The following CCDC93 variants were observed in gnomAD, a reference collection of about 807,000 sequenced individuals.
The protein encoded by CCDC93 is coiled-coil domain-containing protein 93.
CCDC93 carries 61 observed loss-of-function variants against 108.2 expected under a neutral mutation model. That is an observed-to-expected ratio of 0.56 (90% CI 0.46 to 0.70). The LOEUF (loss-of-function observed/expected upper bound fraction) is 0.70, where lower values mean the gene tolerates loss of function less well. Ranked by LOEUF, CCDC93 falls within the 30% of genes least tolerant of loss-of-function variation. The pLI is 0.00. For synonymous variants in CCDC93, 276 were observed against 260.4 expected (o/e 1.06, Z -0.58); for missense variants, 685 against 764.2 (o/e 0.90, Z 1.22).
intron 11 of CCDC93, among the ~76,000 whole-genome samples, chr2:117,964,080 T>C (rs141673143): frequency 6.6e-6 from 1 of 152,312 alleles, no homozygotes; most frequent in African/African-American, 2.4e-5. Context: ...ATATTTAGCA[T>C]TGTTCTCTCC....
rs1275160590 is a variant in CCDC93, at chr2:117,915,821, T to C, written c.*4522A>G. Reference sequence around the variant, plus strand: ...CTACACACTTTCTCCATTCCAAACATTAGGATACCATGGGCTTTTTTCCTC... The same window carrying C: ...CTACACACTTTCTCCATTCCAAACACTAGGATACCATGGGCTTTTTTCCTC... On this transcript the variant is annotated 3_prime_UTR_variant, in exon 24 of 24. Coordinates refer to ENST00000376300, the MANE Select transcript of CCDC93 (RefSeq NM_019044.5). 1 of 151,996 alleles carries C rather than the reference T, an allele frequency of 6.6e-6. No homozygotes were observed. Among genetic ancestry groups the C allele is most frequent in the African/African-American group, 2.4e-5 (1 of 41,426 alleles). 9.4% of individuals were successfully genotyped at this position (151,996 alleles called of 1,614,324 possible). A position where few individuals can be genotyped will look rare whatever the true frequency, so the allele number is the denominator to read the frequency against.
At chr2:117,922,832 C>T (rs987575999) in intron 23 of CCDC93, among the ~76,000 whole-genome samples, 2 of 152,090 alleles carry the variant, frequency 1.3e-5, no homozygotes, top group African/African-American at 4.8e-5. Context: ...AGCAGCAGAA[C>T]TAGTCTGGCT....
intron 7 of CCDC93, among the ~76,000 whole-genome samples, chr2:117,981,108 G>T (rs1680103567): frequency 6.6e-6 from 1 of 152,082 alleles, no homozygotes; most frequent in African/African-American, 2.4e-5. Context: ...AGACATCTGG[G>T]TTGTTTCTAC....
At chr2:118,011,451 T>G (rs1677018910) in intron 1 of CCDC93, among the ~76,000 whole-genome samples, 3 of 152,178 alleles carry the variant, frequency 2.0e-5, no homozygotes, top group Admixed American at 2.0e-4. Flanking sequence ...TATAAATAAT[T>G]CACACCTTCT....
chr2:118,008,473 CCTTT>C, intron 2 of CCDC93, 68 bp downstream of exon 2: 1 of 851,466 alleles, frequency 1.2e-6, no homozygotes, highest in South Asian at 1.5e-5. Context: ...ATCTTTTCCT[CCTTT>C]CTTTGCCATG....
At position 117,920,382 on chromosome 2, in the gene CCDC93, G is replaced by A. The variant is rs534918636; in HGVS notation, c.1857C>T (p.Asn619=). ...CTTTCACCTTGGACAGCAGCATCTCGTTCTTGCGGCCCTCCTGGAGGGAAA... is the reference window on the plus strand; with the variant it reads ...CTTTCACCTTGGACAGCAGCATCTCATTCTTGCGGCCCTCCTGGAGGGAAA... ...VKEFKEEGRK[N]EMLLSKVKAK... Residue 619 remains asparagine, a synonymous_variant, in exon 24 of 24, where the codon AAC becomes AAT. Transcript: ENST00000376300. The A allele has an allele frequency of 6.7e-5, 108 of 1,612,844 alleles. 2 individuals are homozygous for A. The South Asian group carries it at 1.1e-3, about 16-fold the overall frequency.
chr2:117,993,581 C>A (rs1355307128), intron 6 of CCDC93, among the ~76,000 whole-genome samples: 1 of 152,170 alleles, frequency 6.6e-6, no homozygotes, highest in Non-Finnish European at 1.5e-5. Flanking sequence ...CTAGCAATTT[C>A]CTGCCTCAGA....
intron 11 of CCDC93, among the ~76,000 whole-genome samples, chr2:117,962,734 C>T (rs1005121966): frequency 6.6e-6 from 1 of 152,136 alleles, no homozygotes; most frequent in Non-Finnish European, 1.5e-5. Flanking sequence ...TGTTAAATTT[C>T]GGAAGGCCAA....
chr2:117,926,953 G>A (rs1678129882), intron 23 of CCDC93, among the ~76,000 whole-genome samples: 1 of 152,154 alleles, frequency 6.6e-6, no homozygotes, highest in African/African-American at 2.4e-5. Context: ...TGGGATGCAA[G>A]GCTGGTACAA....
chr2:117,957,487 A>AGGAG (rs1679257543), intron 12 of CCDC93, among the ~76,000 whole-genome samples: 1 of 151,976 alleles, frequency 6.6e-6, no homozygotes, highest in Non-Finnish European at 1.5e-5. Flanking sequence ...TCAGCCTCCT[A>AGGAG]CCTGTTGTCC....
chr2:117,987,346 CTTG>C lies in CCDC93; in HGVS notation c.520-1280_520-1278del, dbSNP rs368796510. The stretch of plus-strand genomic sequence containing the variant: ...GGTAACCTGGTTTCTCATTTCAAGG[CTTG>C]TCCCTGACACTACCTTGCCCCAGGC... On this transcript the variant is annotated intron_variant, in intron 6 of 23. Coordinates refer to ENST00000376300, the MANE Select transcript of CCDC93 (RefSeq NM_019044.5). 3.1e-3 allele frequency among the ~76,000 whole-genome samples: 476 copies of C among 152,282 alleles called. 4 individuals are homozygous for C. The highest frequency in any genetic ancestry group is 0.011 in the African/African-American group (455 of 41,564).
At chr2:117,928,249 A>G (rs992258387) in intron 23 of CCDC93, among the ~76,000 whole-genome samples, 3 of 152,234 alleles carry the variant, frequency 2.0e-5, no homozygotes, top group Non-Finnish European at 4.4e-5. Flanking sequence ...ACAAAAGCCA[A>G]AATTGACAAG....
intron 23 of CCDC93, among the ~76,000 whole-genome samples, chr2:117,921,974 A>T (rs1395174229): frequency 6.6e-6 from 1 of 152,054 alleles, no homozygotes; most frequent in Non-Finnish European, 1.5e-5. Context: ...CCTTTTAAAA[A>T]TGGCTTGAGA....
chr2:117,961,033 A>G (rs1190848395), intron 11 of CCDC93, among the ~76,000 whole-genome samples: 1 of 152,194 alleles, frequency 6.6e-6, no homozygotes, highest in African/African-American at 2.4e-5. Context: ...TGAAAGTATT[A>G]TAAAATGTTG....
chr2:117,922,771 G>T, intron 23 of CCDC93, among the ~76,000 whole-genome samples: 1 of 152,124 alleles, frequency 6.6e-6, no homozygotes, highest in East Asian at 1.9e-4. Flanking sequence ...GCTGGAGAAG[G>T]CTCCACCCTG....
At position 118,008,555 on chromosome 2, in the gene CCDC93, G is replaced by T. The variant is rs1281141557; in HGVS notation, c.146C>A (p.Pro49His). The T allele has an allele frequency of 6.3e-7, 1 of 1,588,548 alleles. No individual in the cohort carries two copies. Among genetic ancestry groups the T allele is most frequent in the South Asian group, 1.1e-5 (1 of 90,346 alleles). ...AAGATTTCCCCTTACCTTGTCAAAG[G>T]GTGATAAGCCTTTAATTCTTGCCCT... ...YFRARIKGLS[P>H]FDKVVGGMTW... The change falls in exon 2 of 24, where the codon CCC becomes CAC. Residue 49 changes from proline to histidine, a missense_variant. Transcript: ENST00000376300.
chr2:117,948,317 C>G (rs1007716326), intron 14 of CCDC93, 131 bp from the exon 15 acceptor site: 9 of 630,666 alleles, frequency 1.4e-5, no homozygotes, highest in African/African-American at 3.7e-5. Flanking sequence ...GAGTGTCTCA[C>G]AGATTCTGCA....
At chr2:117,978,367 T>C (rs1277650942) in intron 7 of CCDC93, among the ~76,000 whole-genome samples, 3 of 152,242 alleles carry the variant, frequency 2.0e-5, no homozygotes, top group Non-Finnish European at 4.4e-5. Context: ...AAAATATCTA[T>C]ATAAACAAAT....
intron 6 of CCDC93, among the ~76,000 whole-genome samples, chr2:117,991,698 C>T (rs1347718909): frequency 6.6e-6 from 1 of 152,224 alleles, no homozygotes; most frequent in Non-Finnish European, 1.5e-5. Context: ...TACACAGCAG[C>T]TCCACACCTA....
Sources: allele counts gnomAD v4.1 joint callset (sites outside exome capture counted in the v4.1 genomes callset), GRCh38; gene constraint gnomAD v4.1.1; transcripts MANE v1.5; gene names NCBI Gene and HGNC (gene_info 2026-07-23, HGNC 2026-07-21).